The following SNTG1 variants were observed in gnomAD, a reference collection of about 807,000 sequenced individuals.
The protein encoded by SNTG1 is gamma-1-syntrophin.
Under a neutral mutation model 74.7 loss-of-function variants are expected in SNTG1, and 39 were observed. The ratio of observed to expected loss-of-function variants is 0.52; its 90% CI spans 0.40 to 0.68. The LOEUF (loss-of-function observed/expected upper bound fraction) is 0.68. Among genes scored for constraint, SNTG1 ranks in the 30% least tolerant of loss-of-function variants. The probability of loss-of-function intolerance (pLI) is 0.00; values close to 1 mark genes in which losing one functional copy is unlikely to be tolerated. For synonymous variants in SNTG1, 254 were observed against 217.1 expected, an observed-to-expected ratio of 1.17 and a Z score of -1.49; for missense variants, 685 against 609.5, an observed-to-expected ratio of 1.12 and a Z score of -1.30.
At chr8:50,227,564 G>A (rs553304538) in intron 2 of SNTG1, among the ~76,000 whole-genome samples, 10 of 152,012 alleles carry the variant, frequency 6.6e-5, no homozygotes, top group Non-Finnish European at 1.5e-4. Context: ...CACACACAGA[G>A]GCCCATTTGG....
At chr8:49,936,992 T>C (rs1239242636) in intron 1 of SNTG1, among the ~76,000 whole-genome samples, 1 of 151,874 alleles carries the variant, frequency 6.6e-6, no homozygotes, top group Non-Finnish European at 1.5e-5. Context: ...GTAGTAAAAA[T>C]ACAAAAATTC....
intron 1 of SNTG1, among the ~76,000 whole-genome samples, chr8:50,090,273 T>C (rs1395062813): frequency 1.3e-5 from 2 of 152,172 alleles, no homozygotes; most frequent in East Asian, 3.9e-4. Context: ...GGGAATTGGT[T>C]GGCTCACGAC....
At position 50,796,107 on chromosome 8, in the gene SNTG1, A is replaced by G. The variant is rs1292172542; in HGVS notation, c.*3278A>G. ...TTTACAGTGCTGAAGCTTGATCATG[A>G]ACTTTGTCTATGTTGAATGCTGGAT... On this transcript the variant is annotated 3_prime_UTR_variant, in exon 19 of 19. Transcript: ENST00000642720. The G allele has an allele frequency of 6.6e-6, 1 of 152,072 alleles. No individual in the cohort carries two copies. Among genetic ancestry groups the G allele is most frequent in the Non-Finnish European group, 1.5e-5 (1 of 67,958 alleles). 9.4% of individuals were successfully genotyped at this position (152,072 alleles called of 1,614,324 possible). A position where few individuals can be genotyped will look rare whatever the true frequency, so the allele number is the denominator to read the frequency against.
intron 4 of SNTG1, among the ~76,000 whole-genome samples, chr8:50,414,753 G>C (rs2092993499): frequency 6.6e-6 from 1 of 151,944 alleles, no homozygotes; most frequent in African/African-American, 2.4e-5. Flanking sequence ...GCATGTGTGT[G>C]CGTGTGTGGG....
intron 1 of SNTG1, among the ~76,000 whole-genome samples, chr8:49,932,332 C>T (rs1272970417): frequency 6.6e-6 from 1 of 151,962 alleles, no homozygotes; most frequent in Non-Finnish European, 1.5e-5. Context: ...ATTCTATTTA[C>T]TTTTCTTCTA....
At chr8:49,966,253 A>G (rs997637786) in intron 1 of SNTG1, among the ~76,000 whole-genome samples, 2 of 152,072 alleles carry the variant, frequency 1.3e-5, no homozygotes, top group African/African-American at 4.8e-5. Context: ...AGGTATATTT[A>G]TAGTTATTAG....
intron 18 of SNTG1, among the ~76,000 whole-genome samples, chr8:50,766,297 G>C (rs2095613708): frequency 6.6e-6 from 1 of 152,122 alleles, no homozygotes; most frequent in African/African-American, 2.4e-5. Context: ...ATAGGTAACT[G>C]TGAGTGATGT....
intron 18 of SNTG1, among the ~76,000 whole-genome samples, chr8:50,790,149 C>G (rs150094459): frequency 1.3e-5 from 2 of 151,978 alleles, no homozygotes; most frequent in Non-Finnish European, 2.9e-5. Context: ...TTGATGGTAA[C>G]TGTCATATTC....
intron 1 of SNTG1, among the ~76,000 whole-genome samples, chr8:49,960,449 G>T (rs1045174629): frequency 4.6e-5 from 7 of 152,048 alleles, no homozygotes; most frequent in Non-Finnish European, 1.0e-4. Context: ...AGAATTGATT[G>T]CTAAAAGATG....
chr8:50,636,020 T>C (rs190125212), intron 13 of SNTG1, among the ~76,000 whole-genome samples: 2 of 151,838 alleles, frequency 1.3e-5, no homozygotes, highest in African/African-American at 4.8e-5. Context: ...CTGCCAGAAT[T>C]TGCTATTTCT....
chr8:50,716,680 A>C (rs372054057), intron 17 of SNTG1, among the ~76,000 whole-genome samples: 1 of 152,124 alleles, frequency 6.6e-6, no homozygotes, highest in Admixed American at 6.5e-5. Flanking sequence ...CCAACTTTTC[A>C]TGCAATATGT....
At chr8:50,778,523 G>A (rs2095648176) in intron 18 of SNTG1, among the ~76,000 whole-genome samples, 1 of 151,928 alleles carries the variant, frequency 6.6e-6, no homozygotes, top group South Asian at 2.1e-4. Flanking sequence ...GTCTGTTCAT[G>A]TCCTTCACCC....
chr8:50,042,152 C>A (rs1051301505), intron 1 of SNTG1, among the ~76,000 whole-genome samples: 1 of 152,168 alleles, frequency 6.6e-6, no homozygotes, highest in Non-Finnish European at 1.5e-5. Flanking sequence ...ATACATGAGA[C>A]AATTTACTCA....
intron 9 of SNTG1, among the ~76,000 whole-genome samples, chr8:50,504,280 A>G (rs925094741): frequency 2.6e-5 from 4 of 152,116 alleles, no homozygotes; most frequent in African/African-American, 9.7e-5. Flanking sequence ...TGTCTTTACT[A>G]TTGTGAATAG....
chr8:50,320,001 G>T (rs935300761), intron 2 of SNTG1, among the ~76,000 whole-genome samples: 1 of 152,046 alleles, frequency 6.6e-6, no homozygotes, highest in Non-Finnish European at 1.5e-5. Context: ...TGTCTGTTTT[G>T]GTGTCAGGGT....
chr8:50,553,038 G>T lies in SNTG1; in HGVS notation c.681-12G>T. On this transcript the variant is annotated splice_polypyrimidine_tract_variant and intron_variant, in intron 11 of 18. Transcript: ENST00000642720. ...ATGAGGTTTTGATCTGATTTGTTCTGAACATCTGCAGGCAGAATGCCTTTC... is the reference window on the plus strand; with the variant it reads ...ATGAGGTTTTGATCTGATTTGTTCTTAACATCTGCAGGCAGAATGCCTTTC... 6.2e-7 allele frequency: 1 copy of T among 1,613,600 alleles called. No individual in the cohort carries two copies. Among genetic ancestry groups the T allele is most frequent in the South Asian group, 1.1e-5 (1 of 91,044 alleles).
At chr8:50,534,958 T>C (rs2094297039) in intron 10 of SNTG1, among the ~76,000 whole-genome samples, 1 of 152,126 alleles carries the variant, frequency 6.6e-6, no homozygotes, top group Non-Finnish European at 1.5e-5. Flanking sequence ...AGTTCCATGT[T>C]TAGAAATAAT....
In SNTG1 at chr8:50,484,137, C is replaced by CT. The variant is rs1563453444; in HGVS notation, c.364-18639dup. On this transcript the variant is annotated intron_variant, in intron 8 of 18. Coordinates refer to ENST00000642720, the MANE Select transcript of SNTG1 (RefSeq NM_018967.5). ...CTTTCTTTCTTTCTTTCTTTCTTTC[C>CT]TTCTTTCTTTCTTTCCTTCCTTCCT... Among the ~76,000 whole-genome samples the CT allele has an allele frequency of 8.0e-3, 443 of 55,600 alleles. 2 individuals carry two copies. The highest frequency in any genetic ancestry group is 0.022 in the South Asian group (43 of 1,982). 36.5% of individuals were successfully genotyped at this position (55,600 alleles called of 152,430 possible). A position where few individuals can be genotyped will look rare whatever the true frequency, so the allele number is the denominator to read the frequency against.
At chr8:50,380,271 A>G (rs1479356744) in intron 2 of SNTG1, among the ~76,000 whole-genome samples, 1 of 152,234 alleles carries the variant, frequency 6.6e-6, no homozygotes, top group Non-Finnish European at 1.5e-5. Flanking sequence ...TTTAAATCCT[A>G]TTGTTGTAAC....
Sources: allele counts gnomAD v4.1 joint callset (sites outside exome capture counted in the v4.1 genomes callset), GRCh38; gene constraint gnomAD v4.1.1; transcripts MANE v1.5; gene names NCBI Gene and HGNC (gene_info 2026-07-23, HGNC 2026-07-21).